RAB38: variants seen among roughly 807,000 people sequenced by gnomAD.
RAB38 encodes the protein ras-related protein Rab-38.
RAB38 carries 15 observed loss-of-function variants against 18.4 expected under a neutral mutation model. The observed-to-expected ratio is 0.82, with a 90% CI of 0.55 to 1.26. RAB38 has a LOEUF of 1.26. Ranked by LOEUF, RAB38 falls within the 50% of genes most tolerant of loss-of-function variation. The probability of loss-of-function intolerance (pLI) is 0.00; values close to 1 mark genes in which losing one functional copy is unlikely to be tolerated. For synonymous variants in RAB38, 101 were observed against 104.4 expected (o/e 0.97, Z 0.20); for missense variants, 294 against 267.4 (o/e 1.10, Z -0.69).
the RAB38 span, among the ~76,000 whole-genome samples, chr11:87,883,162 G>A: frequency 1.4e-4 from 22 of 151,836 alleles, no homozygotes; most frequent in African/African-American, 5.1e-4. Flanking sequence ...GAGCAAATTT[G>A]ATTTGCATCA....
At chr11:87,890,246 A>G in the RAB38 span, among the ~76,000 whole-genome samples, 28,140 of 151,870 alleles carry the variant, frequency 0.19, 3,100 homozygotes, top group East Asian at 0.42. Flanking sequence ...TAATATGTAT[A>G]AAGAAGTATG....
chr11:88,134,508 G>T (rs1345970983), intron 2 of RAB38, among the ~76,000 whole-genome samples: 1 of 152,174 alleles, frequency 6.6e-6, no homozygotes, highest in Non-Finnish European at 1.5e-5. Flanking sequence ...CTCCCAAAGT[G>T]CTGGGATTAC....
At chr11:88,117,647 G>GTA (rs1346227932) in intron 2 of RAB38, among the ~76,000 whole-genome samples, 1 of 152,200 alleles carries the variant, frequency 6.6e-6, no homozygotes, top group East Asian at 1.9e-4. Flanking sequence ...AAGGCAAGGG[G>GTA]TATAGTCTTT....
chr11:88,013,142 A>G, the RAB38 span, among the ~76,000 whole-genome samples: 1 of 152,178 alleles, frequency 6.6e-6, no homozygotes, highest in African/African-American at 2.4e-5. Context: ...TAGGTAATAA[A>G]CTTTCACTAA....
At chr11:88,060,245 A>G in the RAB38 span, 1 of 152,130 alleles carries the variant, frequency 6.6e-6, no homozygotes, top group South Asian at 2.1e-4. Context: ...CAGATCCCTT[A>G]TTAAAATCCT....
At chr11:87,976,721 T>C in the RAB38 span, among the ~76,000 whole-genome samples, 5 of 115,746 alleles carry the variant, frequency 4.3e-5, no homozygotes, top group South Asian at 2.6e-4. Context: ...TATATTTCTA[T>C]ATATTTTATA....
chr11:87,847,458 A>T, the RAB38 span, among the ~76,000 whole-genome samples: 2 of 152,156 alleles, frequency 1.3e-5, no homozygotes, highest in African/African-American at 4.8e-5. Context: ...GAAAAAGCTG[A>T]ATAGTCTTAT....
the RAB38 span, among the ~76,000 whole-genome samples, chr11:87,972,254 T>A: frequency 3.9e-5 from 6 of 152,036 alleles, no homozygotes; most frequent in African/African-American, 1.4e-4. Context: ...TCCTCTACCT[T>A]TGCCAAAAAT....
chr11:88,060,428 T>C, the RAB38 span, among the ~76,000 whole-genome samples: 1 of 152,212 alleles, frequency 6.6e-6, no homozygotes, highest in African/African-American at 2.4e-5. Flanking sequence ...TTTACTTAAT[T>C]CCCAAAGTAA....
At chr11:87,966,089 G>A in the RAB38 span, among the ~76,000 whole-genome samples, 366 of 152,236 alleles carry the variant, frequency 2.4e-3, 1 homozygote, top group South Asian at 6.0e-3. Context: ...CTCAGGTTCA[G>A]CAAAGACAGA....
chr11:88,047,041 G>C, the RAB38 span, among the ~76,000 whole-genome samples: 8 of 152,198 alleles, frequency 5.3e-5, no homozygotes, highest in East Asian at 3.9e-4. Flanking sequence ...AATTCTGCGT[G>C]CAGCCGCTGC....
the RAB38 span, among the ~76,000 whole-genome samples, chr11:88,046,931 C>T: frequency 1.3e-5 from 2 of 152,144 alleles, no homozygotes; most frequent in South Asian, 4.1e-4. Context: ...AGCTGAAGTG[C>T]AGGGCTGTGC....
At chr11:87,950,155 C>G in the RAB38 span, among the ~76,000 whole-genome samples, 1 of 151,386 alleles carries the variant, frequency 6.6e-6, no homozygotes, top group Non-Finnish European at 1.5e-5. Flanking sequence ...TGGCCTTCAT[C>G]TCTTTTGGTC....
the RAB38 span, among the ~76,000 whole-genome samples, chr11:87,949,850 G>A: frequency 5.9e-5 from 9 of 152,146 alleles, no homozygotes; most frequent in Non-Finnish European, 8.8e-5. Flanking sequence ...GTGGTGCTGA[G>A]AAGAATGTAT....
At chr11:87,839,871 T>C in the RAB38 span, among the ~76,000 whole-genome samples, 3 of 152,194 alleles carry the variant, frequency 2.0e-5, no homozygotes, top group Non-Finnish European at 4.4e-5. Flanking sequence ...TTAACCTTCA[T>C]TTGGCCAGTA....
chr11:88,084,929 T>C, the RAB38 span, among the ~76,000 whole-genome samples: 1 of 151,920 alleles, frequency 6.6e-6, no homozygotes, highest in Admixed American at 6.6e-5. Flanking sequence ...TTTGATCCCA[T>C]TTTATAAAGG....
the RAB38 span, among the ~76,000 whole-genome samples, chr11:88,041,760 T>C: frequency 6.6e-6 from 1 of 152,120 alleles, no homozygotes; most frequent in Non-Finnish European, 1.5e-5. Flanking sequence ...GGGGAAAATA[T>C]AAATACATTT....
the RAB38 span, among the ~76,000 whole-genome samples, chr11:87,893,390 A>ATATATATATATATTTT: frequency 0.012 from 1,141 of 93,874 alleles, 30 homozygotes; most frequent in African/African-American, 0.039. Flanking sequence ...ATATATATAT[A>ATATATATATATATTTT]TTTTTTTTTT....
the RAB38 span, among the ~76,000 whole-genome samples, chr11:87,833,891 C>A: frequency 2.0e-5 from 3 of 152,102 alleles, no homozygotes; most frequent in African/African-American, 7.2e-5. Context: ...CAAAGCATGA[C>A]AAAATGAATT....
Sources: allele counts gnomAD v4.1 joint callset (sites outside exome capture counted in the v4.1 genomes callset), GRCh38; gene constraint gnomAD v4.1.1; transcripts MANE v1.5; gene names NCBI Gene and HGNC (gene_info 2026-07-23, HGNC 2026-07-21).